The following TAF1 variants were observed in gnomAD, a reference collection of about 807,000 sequenced individuals.
TAF1 encodes transcription initiation factor TFIID subunit 1.
In TAF1, 2 loss-of-function variants were observed where a neutral mutation model predicts 138.5. The observed-to-expected ratio is 0.01, with a 90% confidence interval of 0.01 to 0.05. The LOEUF is 0.05. Among genes scored for constraint, TAF1 ranks in the 10% least tolerant of loss-of-function variants. The pLI is 1.00. For missense variants in TAF1, 709 were observed against 1,478.0 expected, an observed-to-expected ratio of 0.48 and a Z score of 8.53; for synonymous variants, 437 against 503.2, an observed-to-expected ratio of 0.87 and a Z score of 1.76.
intron 34 of TAF1, among the ~76,000 whole-genome samples, chrX:71,455,198 T>G (rs2038225136): frequency 1.8e-5 from 2 of 111,083 alleles, no homozygotes; most frequent in Non-Finnish European, 3.8e-5. Flanking sequence ...ATCCCTAGAG[T>G]GTAGACTTCT....
intron 32 of TAF1, among the ~76,000 whole-genome samples, chrX:71,440,938 TCTTC>T (rs1053007436): frequency 3.6e-5 from 4 of 110,576 alleles, no homozygotes; most frequent in African/African-American, 1.3e-4. Flanking sequence ...CTTTCTCCCT[TCTTC>T]CTTCTTTCTT....
chrX:71,508,914 C>T lies in TAF1; in HGVS notation c.1367-19628C>T, dbSNP rs192721038. On this transcript the variant is annotated intron_variant and NMD_transcript_variant, in intron 13 of 14. Transcript: ENST00000373775. ...TTCCACCTCCTGGGCTCAAGCAGTC[C>T]TCCCACCTCAGCCTCCTGAGTAGCT... 6.1e-4 allele frequency among the ~76,000 whole-genome samples: 67 copies of T among 109,677 alleles called. 1 individual carries two copies. The highest frequency in any genetic ancestry group is 9.3e-3 in the Middle Eastern group (2 of 215).
At chrX:71,477,791 C>G (rs760434617) in intron 13 of TAF1, among the ~76,000 whole-genome samples, 2 of 110,928 alleles carry the variant, frequency 1.8e-5, no homozygotes, top group African/African-American at 6.6e-5. Context: ...GTCAGGAGTT[C>G]GAGACCAGCC....
chrX:71,487,319 T>G (rs2039191176), intron 13 of TAF1, among the ~76,000 whole-genome samples: 1 of 90,554 alleles, frequency 1.1e-5, no homozygotes, highest in Non-Finnish European at 2.2e-5. Context: ...ATGTATGTAT[T>G]TTTTTTTTTT....
chrX:71,463,346 G>T (rs950052170), intron 37 of TAF1, among the ~76,000 whole-genome samples: 1 of 110,987 alleles, frequency 9.0e-6, no homozygotes, highest in African/African-American at 3.3e-5. Flanking sequence ...CACTCTGGCA[G>T]AAGTGTGAAG....
chrX:71,484,289 A>G (rs989040220), intron 13 of TAF1, among the ~76,000 whole-genome samples: 1 of 111,165 alleles, frequency 9.0e-6, no homozygotes, highest in African/African-American at 3.3e-5. Context: ...CTGGACCACT[A>G]TAATATTAAT....
At chrX:71,452,860 A>T (rs1444900405) in intron 32 of TAF1, among the ~76,000 whole-genome samples, 2 of 112,316 alleles carry the variant, frequency 1.8e-5, no homozygotes, top group African/African-American at 6.5e-5. Context: ...GGAGCTGGAG[A>T]CCAGCCCGGC....
chrX:71,381,627 A>G (rs2033897131), intron 8 of TAF1, 116 bp from the exon 9 acceptor site: 1 of 783,478 alleles, frequency 1.3e-6, no homozygotes, highest in East Asian at 3.3e-5. Flanking sequence ...ACACATGAAT[A>G]ACTCCACTAA....
At chrX:71,405,061 A>G (rs1003738126) in intron 25 of TAF1, among the ~76,000 whole-genome samples, 49 of 103,476 alleles carry the variant, frequency 4.7e-4, no homozygotes, top group African/African-American at 1.7e-3. Context: ...GGTTCAAGAG[A>G]TTCTCTTGCC....
At chrX:71,394,299 C>T in intron 22 of TAF1, 54 bp downstream of exon 22, 1 of 1,124,285 alleles carries the variant, frequency 8.9e-7, no homozygotes, top group Middle Eastern at 2.5e-4. Flanking sequence ...AAAAAAGGAG[C>T]CTACGTAACT....
intron 13 of TAF1, among the ~76,000 whole-genome samples, chrX:71,476,732 T>A (rs1178682086): frequency 9.1e-6 from 1 of 109,449 alleles, no homozygotes; most frequent in Non-Finnish European, 1.9e-5. Flanking sequence ...AATGTAGCAA[T>A]GGAATAGAGT....
At chrX:71,509,122 T>C (rs774161083) in intron 13 of TAF1, among the ~76,000 whole-genome samples, 27 of 111,564 alleles carry the variant, frequency 2.4e-4, no homozygotes, top group African/African-American at 8.8e-4. Context: ...GGTTCCATCT[T>C]GTAAAACAAA....
At chrX:71,374,242 C>T (rs1423851152) in intron 3 of TAF1, among the ~76,000 whole-genome samples, 1 of 110,743 alleles carries the variant, frequency 9.0e-6, no homozygotes. Context: ...GCCACCACTC[C>T]TGGCTAGTTT....
intron 32 of TAF1, among the ~76,000 whole-genome samples, chrX:71,444,608 TTGGGAGGCTGAGA>T (rs2037595595): frequency 9.0e-6 from 1 of 111,073 alleles, no homozygotes; most frequent in African/African-American, 3.3e-5. Flanking sequence ...TCCCAGCTAC[TTGGGAGGCTGAGA>T]TGGGAGGATT....
chrX:71,435,845 C>T (rs115577632), intron 32 of TAF1, among the ~76,000 whole-genome samples: 3,820 of 109,921 alleles, frequency 0.035, 171 homozygotes, highest in African/African-American at 0.12. Context: ...ATCTTCCCTA[C>T]CCCCAAGATA....
At chrX:71,516,014 AC>A (rs1268410013) in intron 13 of TAF1, among the ~76,000 whole-genome samples, 1 of 110,596 alleles carries the variant, frequency 9.0e-6, no homozygotes, top group African/African-American at 3.3e-5. Flanking sequence ...AGGGTTGTCA[AC>A]AGGGGTTGGG....
At chrX:71,453,090 AGAGAGGGAGAGGAGGGAGAGGGAGAGG>A (rs1019923520) in intron 32 of TAF1, among the ~76,000 whole-genome samples, 14 of 109,961 alleles carry the variant, frequency 1.3e-4, no homozygotes, top group African/African-American at 4.3e-4. Context: ...GACGGGAGAG[AGAGAGGGAGAGGAGGGAGAGGGAGAGG>A]GAGAGGGAGA....
intron 13 of TAF1, among the ~76,000 whole-genome samples, chrX:71,504,899 A>G (rs1454915227): frequency 9.2e-6 from 1 of 109,170 alleles, no homozygotes; most frequent in Non-Finnish European, 1.9e-5. Flanking sequence ...GGAGGCCGAG[A>G]CAGGTGGATC....
At chrX:71,394,911 G>A (rs939327255) in intron 22 of TAF1, among the ~76,000 whole-genome samples, 4 of 112,100 alleles carry the variant, frequency 3.6e-5, no homozygotes, top group African/African-American at 6.5e-5. Context: ...GCCCAGGATG[G>A]TGTCGAACTC....
Sources: allele counts gnomAD v4.1 joint callset (sites outside exome capture counted in the v4.1 genomes callset), GRCh38; gene constraint gnomAD v4.1.1; transcripts MANE v1.5; gene names NCBI Gene and HGNC (gene_info 2026-07-23, HGNC 2026-07-21).